The following WDR17 variants were observed in gnomAD, a reference collection of about 807,000 sequenced individuals.
The protein encoded by WDR17 is WD repeat-containing protein 17.
In WDR17, 143 loss-of-function variants were observed where a neutral mutation model predicts 161.7. The observed-to-expected ratio is 0.88, with a 90% confidence interval of 0.77 to 1.02. The LOEUF is 1.02. Among genes scored for constraint, WDR17 ranks in the 50% least tolerant of loss-of-function variants. WDR17 has a pLI of 0.00. For missense variants in WDR17, 1,469 were observed against 1,520.9 expected (o/e 0.97, Z 0.57); for synonymous variants, 517 against 515.6 (o/e 1.00, Z -0.04).
intron 10 of WDR17, 58 bp downstream of exon 10, chr4:176,140,032 G>T: frequency 1.4e-6 from 2 of 1,399,394 alleles, no homozygotes; most frequent in South Asian, 1.3e-5. Context: ...GCACTCATTT[G>T]ATCATTCCAA....
At chr4:176,110,866 G>C (rs1454288599) in intron 1 of WDR17, among the ~76,000 whole-genome samples, 1 of 152,178 alleles carries the variant, frequency 6.6e-6, no homozygotes, top group Non-Finnish European at 1.5e-5. Context: ...GCCCAGGCCT[G>C]CTTCTGCACT....
chr4:176,123,090 G>A (rs1203278287), intron 4 of WDR17, among the ~76,000 whole-genome samples: 2 of 152,086 alleles, frequency 1.3e-5, no homozygotes, highest in Admixed American at 6.6e-5. Context: ...CAAGTTCATC[G>A]GAGAACCTTT....
At chr4:176,128,533 A>G (rs1245070629) in intron 5 of WDR17, among the ~76,000 whole-genome samples, 1 of 152,164 alleles carries the variant, frequency 6.6e-6, no homozygotes, top group Non-Finnish European at 1.5e-5. Flanking sequence ...TTTTGGAGCA[A>G]AAAAATAGTA....
At chr4:176,144,352 G>A (rs1455509895) in intron 11 of WDR17, among the ~76,000 whole-genome samples, 4 of 152,124 alleles carry the variant, frequency 2.6e-5, no homozygotes, top group Non-Finnish European at 5.9e-5. Context: ...AGCCCTATGA[G>A]ATCGCCAACT....
At chr4:176,147,014 G>C (rs1237939822) in intron 12 of WDR17, among the ~76,000 whole-genome samples, 1 of 151,922 alleles carries the variant, frequency 6.6e-6, no homozygotes, top group Admixed American at 6.6e-5. Flanking sequence ...CTACAGGTGT[G>C]CGCCACCACG....
chr4:176,114,446 A>G (rs1032476457), intron 2 of WDR17, among the ~76,000 whole-genome samples: 2 of 152,130 alleles, frequency 1.3e-5, no homozygotes, highest in African/African-American at 2.4e-5. Flanking sequence ...TTTTACATAC[A>G]ATGTTCACTG....
At chr4:176,125,939 C>G (rs919090582) in intron 5 of WDR17, among the ~76,000 whole-genome samples, 2 of 152,162 alleles carry the variant, frequency 1.3e-5, no homozygotes, top group African/African-American at 2.4e-5. Context: ...TGGTGAGGAA[C>G]TTTGTGCTGC....
chr4:176,142,003 G>C lies in WDR17; in HGVS notation c.1463G>C (p.Gly488Ala). 3.1e-6 allele frequency: 5 copies of C among 1,602,650 alleles called. No homozygotes were observed. Among genetic ancestry groups the C allele is most frequent in the Non-Finnish European group, 3.4e-6 (4 of 1,173,398 alleles). Residue 488 changes from glycine (G) to alanine (A), a missense_variant, in exon 11 of 29, where the codon GGT becomes GCT. By Grantham distance (60) the Gly-to-Ala change is moderately conservative. Transcript: ENST00000508596. ...DGFCIIRTID[G>A]KVLHKYKHPA... The stretch of plus-strand genomic sequence containing the variant: ...TCTAGTATTATTCGAACAATTGATG[G>C]TAAAGTGCTACACAAATATAAACAT...
At chr4:176,173,240 A>C in intron 24 of WDR17, 27 bp from the exon 25 acceptor site, 1 of 1,465,194 alleles carries the variant, frequency 6.8e-7, no homozygotes, top group Non-Finnish European at 9.4e-7. Flanking sequence ...TATTTAATGA[A>C]TCTTCCATCT....
At chr4:176,167,528 C>T (rs1749972413) in intron 22 of WDR17, among the ~76,000 whole-genome samples, 1 of 149,828 alleles carries the variant, frequency 6.7e-6, no homozygotes, top group African/African-American at 2.5e-5. Flanking sequence ...CGCCTGTAGT[C>T]CCAGCTACTC....
chr4:176,102,729 T>A (rs1314765187), intron 1 of WDR17, among the ~76,000 whole-genome samples: 1 of 152,110 alleles, frequency 6.6e-6, no homozygotes, highest in African/African-American at 2.4e-5. Context: ...AGACAACAAT[T>A]GCACTGGTAC....
chr4:176,182,529 G>A lies in WDR17; in HGVS notation c.*2950G>A, dbSNP rs1318863804. ...AACATTTATATTATTTCAGTTTTAA[G>A]TCAAAAGGTATTCTGAATATAATAA... is the stretch of plus-strand genomic sequence containing the variant. On this transcript the variant is annotated 3_prime_UTR_variant, in exon 29 of 29. Transcript: ENST00000508596. This position sits in a 1 kb window ranked among gnomAD's most constrained non-coding sequence, Gnocchi z 4.2. 6.6e-6 allele frequency: 1 copy of A among 151,680 alleles called. No individual in the cohort carries two copies. Among genetic ancestry groups the A allele is most frequent in the African/African-American group, 2.4e-5 (1 of 41,308 alleles). The allele number at this position is 151,680 out of a possible 1,614,324, so 9.4% of individuals were successfully genotyped here. A position where few individuals can be genotyped will look rare whatever the true frequency, so the allele number is the denominator to read the frequency against.
At chr4:176,167,371 G>C (rs112517409) in intron 22 of WDR17, among the ~76,000 whole-genome samples, 2,357 of 151,844 alleles carry the variant, frequency 0.016, 70 homozygotes, top group African/African-American at 0.054. Context: ...TCTTGGCCGG[G>C]CGCGGTGGCT....
At chr4:176,143,671 C>T (rs1424228912) in intron 11 of WDR17, among the ~76,000 whole-genome samples, 1 of 151,956 alleles carries the variant, frequency 6.6e-6, no homozygotes, top group African/African-American at 2.4e-5. Context: ...AGAGCCAGAC[C>T]CTGTTTCAAA....
chr4:176,172,605 C>T (rs1166070617), intron 24 of WDR17, 89 bp downstream of exon 24: 2 of 1,203,914 alleles, frequency 1.7e-6, no homozygotes, highest in East Asian at 5.0e-5. Context: ...TTCATTTTTG[C>T]ATTGCTATAA....
In WDR17 at chr4:176,173,257, AT is replaced by A; in HGVS notation, c.3245-5del. The A allele has an allele frequency of 6.4e-7, 1 of 1,574,638 alleles. No individual in the cohort carries two copies. Reference sequence around the variant, plus strand: ...TTTAATGAATCTTCCATCTGGTTTAATTTTTCCAGAATACATCAGTAGCTCA... The same window carrying A: ...TTTAATGAATCTTCCATCTGGTTTAATTTTCCAGAATACATCAGTAGCTCA... On this transcript the variant is annotated splice_polypyrimidine_tract_variant and intron_variant, in intron 24 of 28. Coordinates refer to ENST00000508596, the MANE Select transcript of WDR17 (RefSeq NM_181265.4).
intron 7 of WDR17, among the ~76,000 whole-genome samples, chr4:176,133,240 T>C (rs1743809968): frequency 7.9e-6 from 1 of 127,008 alleles, no homozygotes; most frequent in Admixed American, 7.9e-5. Context: ...TCTGTGGTTC[T>C]CCTTGGTCTC....
At chr4:176,099,268 A>G (rs568994480) in intron 1 of WDR17, among the ~76,000 whole-genome samples, 1 of 152,310 alleles carries the variant, frequency 6.6e-6, no homozygotes, top group Non-Finnish European at 1.5e-5. Flanking sequence ...ATAGAAATGC[A>G]GTTACAGAGA....
At chr4:176,159,660 G>C (rs1748734090) in intron 18 of WDR17, among the ~76,000 whole-genome samples, 1 of 152,062 alleles carries the variant, frequency 6.6e-6, no homozygotes, top group Non-Finnish European at 1.5e-5. Context: ...TAATCCACCT[G>C]ATATCCTATC....
Sources: gnomAD v4.1 joint callset for allele counts (sites outside exome capture counted in the v4.1 genomes callset) on GRCh38, gnomAD v4.1.1 for gene constraint, Gnocchi (gnomAD v3.1) non-coding constraint, MANE v1.5 for transcripts, NCBI Gene and HGNC (gene_info 2026-07-23, HGNC 2026-07-21) for gene names.